The following CLDN10 variants were observed in gnomAD, a reference collection of about 807,000 sequenced individuals.
CLDN10 encodes claudin-10.
In CLDN10, 15 loss-of-function variants were observed where a neutral mutation model predicts 22.9. The observed-to-expected ratio is 0.65, with a 90% CI of 0.44 to 1.01. The LOEUF (loss-of-function observed/expected upper bound fraction) is 1.01, where lower values mean the gene tolerates loss of function less well. CLDN10 is among the 50% of genes least tolerant of loss of function. The pLI is 0.00. For missense variants in CLDN10, 247 were observed against 287.8 expected (o/e 0.86, Z 1.03); for synonymous variants, 114 against 111.4 (o/e 1.02, Z -0.15).
intron 1 of CLDN10, among the ~76,000 whole-genome samples, chr13:95,511,502 G>A (rs2043098126): frequency 6.6e-6 from 1 of 152,094 alleles, no homozygotes; most frequent in African/African-American, 2.4e-5. Flanking sequence ...GTTTCTTTGT[G>A]AAAGAGTTTT....
chr13:95,456,440 T>C (rs2042482673), intron 1 of CLDN10, among the ~76,000 whole-genome samples: 1 of 152,118 alleles, frequency 6.6e-6, no homozygotes, highest in Non-Finnish European at 1.5e-5. Flanking sequence ...AATATTCAAA[T>C]ATGTATTTAT....
chr13:95,494,625 T>G (rs941929321), intron 1 of CLDN10, among the ~76,000 whole-genome samples: 1 of 152,230 alleles, frequency 6.6e-6, no homozygotes, highest in African/African-American at 2.4e-5. Context: ...AGAATCTACT[T>G]GTACAATTGA....
At chr13:95,548,128 C>T (rs2043529070), upstream of CLDN10, among the ~76,000 whole-genome samples, 1 of 152,208 alleles carries the variant, frequency 6.6e-6, no homozygotes, top group Non-Finnish European at 1.5e-5. Context: ...CTGCCCCGAC[C>T]TGGGTGGGAG....
intron 3 of CLDN10, among the ~76,000 whole-genome samples, chr13:95,571,050 A>G (rs1053159280): frequency 6.9e-6 from 1 of 145,688 alleles, no homozygotes; most frequent in African/African-American, 2.4e-5. Flanking sequence ...TTTTGCACAG[A>G]CCTAATATAT....
chr13:95,562,784 T>C (rs980963021), intron 3 of CLDN10, among the ~76,000 whole-genome samples: 3 of 152,244 alleles, frequency 2.0e-5, no homozygotes, highest in Non-Finnish European at 4.4e-5. Flanking sequence ...TTCCTGACAA[T>C]TATTAAGGAT....
intron 1 of CLDN10, among the ~76,000 whole-genome samples, chr13:95,499,948 T>C (rs1448032532): frequency 1.3e-5 from 2 of 152,050 alleles, no homozygotes; most frequent in East Asian, 1.9e-4. Context: ...ACAAGAAAAT[T>C]TCATAATGTT....
chr13:95,457,504 A>G (rs2042493794), intron 1 of CLDN10, among the ~76,000 whole-genome samples: 1 of 126,376 alleles, frequency 7.9e-6, no homozygotes, highest in Non-Finnish European at 1.8e-5. Flanking sequence ...TTGACCTTGT[A>G]CTTGGTGAAT....
intron 1 of CLDN10, among the ~76,000 whole-genome samples, chr13:95,544,551 A>C (rs2043489515): frequency 6.6e-6 from 1 of 152,194 alleles, no homozygotes; most frequent in Non-Finnish European, 1.5e-5. Context: ...AGAAACAGCT[A>C]TTGCTTTGAA....
At chr13:95,551,190 G>C (rs964867081), upstream of CLDN10, among the ~76,000 whole-genome samples, 1 of 152,148 alleles carries the variant, frequency 6.6e-6, no homozygotes, top group African/African-American at 2.4e-5. Flanking sequence ...GACTTACTTC[G>C]TGTTCTCAGA....
chr13:95,502,224 T>A (rs1476533150), intron 1 of CLDN10, among the ~76,000 whole-genome samples: 1 of 152,186 alleles, frequency 6.6e-6, no homozygotes, highest in Admixed American at 6.5e-5. Context: ...AGTCTACAAT[T>A]CATCTAGAAA....
chr13:95,500,698 G>C (rs531947222), intron 1 of CLDN10, among the ~76,000 whole-genome samples: 1 of 152,304 alleles, frequency 6.6e-6, no homozygotes, highest in South Asian at 2.1e-4. Context: ...ATCAGTGAAT[G>C]ACAAAGTTGG....
At chr13:95,526,538 T>G (rs2043282810) in intron 1 of CLDN10, among the ~76,000 whole-genome samples, 1 of 152,170 alleles carries the variant, frequency 6.6e-6, no homozygotes, top group African/African-American at 2.4e-5. Context: ...TAGGCCTGGC[T>G]GCCAATGTTT....
At chr13:95,502,342 T>C (rs1436820322) in intron 1 of CLDN10, among the ~76,000 whole-genome samples, 7 of 152,226 alleles carry the variant, frequency 4.6e-5, no homozygotes. Context: ...CTGGCCTTAC[T>C]TGTGATTTCT....
intron 3 of CLDN10, among the ~76,000 whole-genome samples, chr13:95,564,030 T>G (rs1158342614): frequency 1.3e-5 from 2 of 152,244 alleles, no homozygotes; most frequent in Non-Finnish European, 2.9e-5. Context: ...GCTTCTGGTT[T>G]TGTTTGTACA....
At chr13:95,526,662 C>T (rs1206152716) in intron 1 of CLDN10, among the ~76,000 whole-genome samples, 2 of 151,968 alleles carry the variant, frequency 1.3e-5, no homozygotes, top group African/African-American at 4.8e-5. Flanking sequence ...ATGGTGGGCA[C>T]CTGGAATCAC....
At chr13:95,504,784 C>T (rs568915557) in intron 1 of CLDN10, among the ~76,000 whole-genome samples, 1 of 152,104 alleles carries the variant, frequency 6.6e-6, no homozygotes, top group Admixed American at 6.5e-5. Flanking sequence ...GTGATCCCCC[C>T]ACCTCAGCCT....
chr13:95,508,531 G>T (rs1219785543), intron 1 of CLDN10, among the ~76,000 whole-genome samples: 1 of 152,254 alleles, frequency 6.6e-6, no homozygotes, highest in African/African-American at 2.4e-5. Context: ...TCAATTAAGT[G>T]CTAGTAAAAA....
At chr13:95,438,491 A>T (rs943593844) in intron 1 of CLDN10, among the ~76,000 whole-genome samples, 6 of 152,170 alleles carry the variant, frequency 3.9e-5, no homozygotes, top group Admixed American at 2.6e-4. Flanking sequence ...CTGGGTTGAG[A>T]TAGGTTTAAA....
At chr13:95,546,933 C>A (rs911710855) in intron 1 of CLDN10, among the ~76,000 whole-genome samples, 15 of 152,054 alleles carry the variant, frequency 9.9e-5, no homozygotes, top group African/African-American at 3.6e-4. Context: ...ACTCTCTCTG[C>A]CTTATCATTG....
Sources: gnomAD v4.1 joint callset for allele counts (sites outside exome capture counted in the v4.1 genomes callset) on GRCh38, gnomAD v4.1.1 for gene constraint, MANE v1.5 for transcripts, NCBI Gene and HGNC (gene_info 2026-07-23, HGNC 2026-07-21) for gene names.